The following EZR variants were observed in gnomAD, a reference collection of about 807,000 sequenced individuals.
The protein encoded by EZR is ezrin.
Under a neutral mutation model 74.8 loss-of-function variants are expected in EZR, and 40 were observed. The ratio of observed to expected loss-of-function variants is 0.53; its 90% CI spans 0.42 to 0.70. The LOEUF is 0.70. Ranked by LOEUF, EZR falls within the 30% of genes least tolerant of loss-of-function variation. The pLI, the probability that EZR is intolerant of heterozygous loss-of-function variation, is 0.00. For missense variants in EZR, 678 were observed against 755.8 expected, an observed-to-expected ratio of 0.90 and a Z score of 1.21; for synonymous variants, 341 against 283.3, an observed-to-expected ratio of 1.20 and a Z score of -2.05.
chr6:158,785,893 T>A (rs557079801), intron 4 of EZR, among the ~76,000 whole-genome samples: 162 of 151,558 alleles, frequency 1.1e-3, no homozygotes, highest in Admixed American at 8.7e-3. Flanking sequence ...CAACATTTTT[T>A]AAAAAAAAGT....
chr6:158,806,716 G>A (rs1298833216), intron 2 of EZR, among the ~76,000 whole-genome samples: 1 of 152,112 alleles, frequency 6.6e-6, no homozygotes, highest in African/African-American at 2.4e-5. Flanking sequence ...AATGCACCTT[G>A]TTATCACACT....
In EZR at chr6:158,766,699, C is replaced by T. The variant is rs75522256; in HGVS notation, c.*215G>A. 0.012 allele frequency: 6,782 copies of T among 585,898 alleles called. 62 individuals are homozygous for T. Among genetic ancestry groups the T allele is most frequent in the Non-Finnish European group, 0.015 (4,971 of 329,134 alleles). 36.3% of individuals were successfully genotyped at this position (585,898 alleles called of 1,614,324 possible). A position where few individuals can be genotyped will look rare whatever the true frequency, so the allele number is the denominator to read the frequency against. On this transcript the variant is annotated 3_prime_UTR_variant, in exon 14 of 14. Transcript: ENST00000367075. ...ACAGGAGGTGATTCGAGAATAATCGCGAGAATCAGGCCTGCTTGGCACTAT... is the reference window on the plus strand; with the variant it reads ...ACAGGAGGTGATTCGAGAATAATCGTGAGAATCAGGCCTGCTTGGCACTAT...
chr6:158,767,028 G>A lies in EZR; in HGVS notation c.1647C>T (p.His549=), dbSNP rs2128563272. The A allele has an allele frequency of 1.2e-6, 2 of 1,614,202 alleles. No homozygotes were observed. Among genetic ancestry groups the A allele is most frequent in the East Asian group, 2.2e-5 (1 of 44,876 alleles). Residue 549 remains histidine (H), a synonymous_variant, in exon 14 of 14, where the codon CAC becomes CAT. Coordinates refer to ENST00000367075, the MANE Select transcript of EZR (RefSeq NM_001111077.2). ...SQARDENKRT[H]NDIIHNENMR... is the part of the protein sequence containing the mutation. ...TGTTCTCGTTGTGGATGATGTCATT[G>A]TGGGTCCTCTTATTCTCATCTCGGG... is the stretch of plus-strand genomic sequence containing the variant.
intron 5 of EZR, 107 bp from the exon 6 acceptor site, chr6:158,784,834 A>C (rs1791527704): frequency 1.5e-5 from 13 of 863,940 alleles, no homozygotes; most frequent in Non-Finnish European, 2.5e-5. Context: ...ATTCAAATCA[A>C]TCAATCCCAA....
intron 2 of EZR, among the ~76,000 whole-genome samples, chr6:158,794,956 T>C (rs113001852): frequency 2.5e-3 from 383 of 152,138 alleles, no homozygotes; most frequent in African/African-American, 8.7e-3. Flanking sequence ...AATCTACTCT[T>C]TAAAAAAGTC....
At chr6:158,785,623 G>T in intron 4 of EZR, 40 bp from the exon 5 acceptor site, 1 of 1,603,806 alleles carries the variant, frequency 6.2e-7, no homozygotes, top group African/African-American at 1.3e-5. Flanking sequence ...AAATCCGGAA[G>T]ACGAAGGCCC....
chr6:158,791,142 T>C (rs1250455651), intron 2 of EZR, among the ~76,000 whole-genome samples: 1 of 85,754 alleles, frequency 1.2e-5, no homozygotes, highest in Admixed American at 8.7e-5. Context: ...TCCTCTAACA[T>C]GCATCCAATA....
intron 7 of EZR, among the ~76,000 whole-genome samples, chr6:158,782,938 T>C (rs569538814): frequency 5.9e-4 from 90 of 152,342 alleles, no homozygotes; most frequent in Non-Finnish European, 7.6e-4. Flanking sequence ...CGGAACTGCC[T>C]GTCCCTGTGG....
At chr6:158,774,672 A>AACACAC (rs56400693) in intron 8 of EZR, among the ~76,000 whole-genome samples, 8,982 of 142,312 alleles carry the variant, frequency 0.063, 396 homozygotes, top group East Asian at 0.21. Context: ...CTTATCATCA[A>AACACAC]ACACACACAC....
chr6:158,787,496 T>TC (rs1791613864), intron 3 of EZR, among the ~76,000 whole-genome samples: 1 of 152,214 alleles, frequency 6.6e-6, no homozygotes, highest in African/African-American at 2.4e-5. Context: ...CAGGATGCTC[T>TC]CCTGCATGAA....
chr6:158,795,095 T>C (rs533761071), intron 2 of EZR, among the ~76,000 whole-genome samples: 19 of 151,466 alleles, frequency 1.3e-4, no homozygotes, highest in African/African-American at 4.4e-4. Flanking sequence ...CTACTAAAAA[T>C]ATAAAAATTA....
intron 2 of EZR, among the ~76,000 whole-genome samples, chr6:158,800,235 C>A (rs994211898): frequency 2.0e-5 from 3 of 151,918 alleles, no homozygotes; most frequent in Non-Finnish European, 4.4e-5. Context: ...TAAATGAAGT[C>A]TCTCTATATA....
chr6:158,814,017 C>T (rs1329650943), intron 2 of EZR, among the ~76,000 whole-genome samples: 1 of 152,098 alleles, frequency 6.6e-6, no homozygotes, highest in Admixed American at 6.6e-5. Context: ...CATGAAGGGG[C>T]GGGCAGAGAG....
chr6:158,818,267 G>C (rs948886332), intron 1 of EZR, 101 bp from the exon 2 acceptor site: 19 of 510,256 alleles, frequency 3.7e-5, no homozygotes, highest in South Asian at 2.6e-4. Context: ...CTTAAGAACC[G>C]GCCAGCCCGG....
At position 158,769,858 on chromosome 6, in the gene EZR, G is replaced by A. The variant is rs373495274; in HGVS notation, c.1177C>T (p.Arg393Cys). 56 of 1,613,712 alleles carry A rather than the reference G, an allele frequency of 3.5e-5. No homozygotes were observed. The Middle Eastern group carries it at 4.9e-4, about 14-fold the overall frequency. Reference sequence around the variant, plus strand: ...TCCTTAGCCCGCAGTGCAGCCATACGGTCAGCCTCTAGGCGCTCGGCCTCC... The same window carrying A: ...TCCTTAGCCCGCAGTGCAGCCATACAGTCAGCCTCTAGGCGCTCGGCCTCC... ...QEEAERLEAD[R>C]MAALRAKEEL... Residue 393 changes from arginine (R) to cysteine (C), a missense_variant, in exon 11 of 14, where the codon CGT becomes TGT. Physicochemically the swap from Arg to Cys is radical, Grantham distance 180. Around this residue, in one of 3 missense-constraint regions of EZR, gnomAD observed 342 missense variants for 341.2 expected, o/e 1.00. Transcript: ENST00000367075.
At chr6:158,818,718 G>A (rs560751608) in intron 1 of EZR, among the ~76,000 whole-genome samples, 2 of 151,828 alleles carry the variant, frequency 1.3e-5, no homozygotes, top group South Asian at 4.2e-4. Flanking sequence ...CCGGGGAGAG[G>A]GAGCGCGCGC....
chr6:158,806,468 C>CT (rs1777342055), intron 2 of EZR, among the ~76,000 whole-genome samples: 1 of 147,106 alleles, frequency 6.8e-6, no homozygotes, highest in African/African-American at 2.5e-5. Context: ...TTCTTCTACT[C>CT]TACCACTTTC....
intron 7 of EZR, among the ~76,000 whole-genome samples, chr6:158,782,863 T>C (rs992623735): frequency 6.6e-6 from 1 of 152,188 alleles, no homozygotes; most frequent in Non-Finnish European, 1.5e-5. Flanking sequence ...CTTGCCCTCA[T>C]GAACTAGGAT....
chr6:158,801,929 T>C (rs1162785898), intron 2 of EZR, among the ~76,000 whole-genome samples: 1 of 152,184 alleles, frequency 6.6e-6, no homozygotes, highest in Non-Finnish European at 1.5e-5. Context: ...GCAGACACTG[T>C]GCGTTGCGAC....
Sources: gnomAD v4.1 joint callset for allele counts (sites outside exome capture counted in the v4.1 genomes callset) on GRCh38, gnomAD v4.1.1 for gene constraint, gnomAD v4.1.1 regional missense constraint, MANE v1.5 for transcripts, NCBI Gene and HGNC (gene_info 2026-07-23, HGNC 2026-07-21) for gene names.